The following RUNX1 variants were observed in gnomAD, a reference collection of about 807,000 sequenced individuals.
RUNX1 encodes the protein runt-related transcription factor 1.
A neutral mutation model predicts 42.8 loss-of-function variants in RUNX1; 19 were observed. The ratio of observed to expected loss-of-function variants is 0.44; its 90% CI spans 0.31 to 0.65. The LOEUF is 0.65. RUNX1 is among the 30% of genes least tolerant of loss of function. The pLI is 0.07. For synonymous variants in RUNX1, 271 were observed against 289.4 expected (o/e 0.94, Z 0.64); for missense variants, 528 against 672.0 (o/e 0.79, Z 2.37).
intron 2 of RUNX1, among the ~76,000 whole-genome samples, chr21:34,971,976 T>A (rs1043181045): frequency 3.9e-5 from 6 of 152,194 alleles, no homozygotes; most frequent in Non-Finnish European, 8.8e-5. Flanking sequence ...TTATAACTGA[T>A]CTCTTAGAGA....
At chr21:34,888,661 C>A in intron 3 of RUNX1, 1 of 1,047,568 alleles carries the variant, frequency 9.5e-7, no homozygotes, top group Non-Finnish European at 1.2e-6. Flanking sequence ...CCGCGGGGCG[C>A]CCGTCCCGCC....
intron 7 of RUNX1, among the ~76,000 whole-genome samples, chr21:34,831,518 G>T (rs1212906788): frequency 6.6e-6 from 1 of 152,126 alleles, no homozygotes; most frequent in Non-Finnish European, 1.5e-5. Context: ...AGCAAGGTAG[G>T]GTTCCTGAGC....
chr21:35,022,909 A>ATAATAATAATAATAATAATAT (rs1435171689), intron 2 of RUNX1, among the ~76,000 whole-genome samples: 2 of 150,180 alleles, frequency 1.3e-5, no homozygotes, highest in African/African-American at 4.9e-5. Context: ...AATAATAATA[A>ATAATAATAATAATAATAATAT]TAATAATAAT....
chr21:35,011,803 G>A (rs1308165150), intron 2 of RUNX1, among the ~76,000 whole-genome samples: 1 of 152,106 alleles, frequency 6.6e-6, no homozygotes, highest in Non-Finnish European at 1.5e-5. Flanking sequence ...ACCCCAACTA[G>A]CTTCTTTCCT....
chr21:34,936,787 G>A (rs984181541), intron 2 of RUNX1, among the ~76,000 whole-genome samples: 10 of 152,312 alleles, frequency 6.6e-5, no homozygotes, highest in Admixed American at 5.2e-4. Context: ...CGAAGCATTC[G>A]TCTCTGGTTT....
intron 2 of RUNX1, among the ~76,000 whole-genome samples, chr21:34,932,572 C>T (rs755498209): frequency 5.3e-5 from 8 of 152,114 alleles, no homozygotes; most frequent in African/African-American, 1.9e-4. Context: ...TTGAGGAGTC[C>T]ATTATGTGAT....
chr21:35,039,072 G>T (rs1568807246), intron 2 of RUNX1, among the ~76,000 whole-genome samples: 1 of 152,204 alleles, frequency 6.6e-6, no homozygotes, highest in East Asian at 1.9e-4. Context: ...ACAGCCTAAG[G>T]ACGTTCTTAA....
At chr21:35,006,063 T>G (rs1243725931) in intron 2 of RUNX1, among the ~76,000 whole-genome samples, 1 of 152,182 alleles carries the variant, frequency 6.6e-6, no homozygotes, top group East Asian at 1.9e-4. Context: ...TCATCCCAAT[T>G]TTAAGTCATT....
intron 2 of RUNX1, among the ~76,000 whole-genome samples, chr21:35,037,029 C>A (rs1358829688): frequency 6.6e-6 from 1 of 152,094 alleles, no homozygotes; most frequent in Non-Finnish European, 1.5e-5. Flanking sequence ...AGAGATATAC[C>A]TGGGACACAA....
intron 2 of RUNX1, among the ~76,000 whole-genome samples, chr21:35,011,124 G>C (rs2059123533): frequency 6.6e-6 from 1 of 152,110 alleles, no homozygotes; most frequent in African/African-American, 2.4e-5. Flanking sequence ...GCCATTAAAA[G>C]TGATGTGAAT....
intron 2 of RUNX1, among the ~76,000 whole-genome samples, chr21:34,943,631 T>C (rs1479301684): frequency 3.9e-5 from 6 of 152,168 alleles, no homozygotes; most frequent in Admixed American, 1.3e-4. Context: ...CCAGGTGATA[T>C]TCCTTCAGTT....
intron 5 of RUNX1, among the ~76,000 whole-genome samples, chr21:34,869,512 G>T (rs1422211032): frequency 2.0e-5 from 3 of 152,132 alleles, no homozygotes; most frequent in Admixed American, 6.5e-5. Flanking sequence ...CAATGGGTTC[G>T]GTGTAATCTA....
At chr21:34,847,017 A>G (rs2057326880) in intron 6 of RUNX1, among the ~76,000 whole-genome samples, 1 of 152,218 alleles carries the variant, frequency 6.6e-6, no homozygotes, top group Non-Finnish European at 1.5e-5. Context: ...TCAGGCGAGC[A>G]GCATATATAA....
chr21:34,823,344 G>A (rs958910680), intron 7 of RUNX1, among the ~76,000 whole-genome samples: 7 of 151,518 alleles, frequency 4.6e-5, no homozygotes, highest in Middle Eastern at 6.8e-3. Flanking sequence ...GTTGACTTAC[G>A]GAGGCTAAGA....
intron 2 of RUNX1, among the ~76,000 whole-genome samples, chr21:34,921,840 G>A (rs1024577784): frequency 2.6e-5 from 4 of 151,936 alleles, no homozygotes; most frequent in South Asian, 4.2e-4. Flanking sequence ...CACTATATTG[G>A]CCAGGCTGGT....
At chr21:34,826,356 C>T (rs1419498549) in intron 7 of RUNX1, among the ~76,000 whole-genome samples, 3 of 152,068 alleles carry the variant, frequency 2.0e-5, no homozygotes, top group African/African-American at 7.2e-5. Flanking sequence ...AAGGACCCCA[C>T]CAGATGCCAG....
intron 3 of RUNX1, chr21:34,889,816 C>T (rs890622261): frequency 1.9e-5 from 21 of 1,116,200 alleles, no homozygotes; most frequent in Non-Finnish European, 2.3e-5. Context: ...GGCTCCCTCC[C>T]AGCGGAGGCT....
At chr21:34,850,022 G>A (rs2146183897) in intron 6 of RUNX1, among the ~76,000 whole-genome samples, 1 of 146,700 alleles carries the variant, frequency 6.8e-6, no homozygotes, top group Middle Eastern at 3.4e-3. Flanking sequence ...ATGGCTTACA[G>A]GAAAAAACAA....
chr21:34,923,446 C>A (rs1031707611), intron 2 of RUNX1, among the ~76,000 whole-genome samples: 3 of 152,114 alleles, frequency 2.0e-5, no homozygotes, highest in Non-Finnish European at 4.4e-5. Context: ...TAAGTTGTGA[C>A]GTCATGAAAA....
Sources: gnomAD v4.1 joint callset for allele counts (sites outside exome capture counted in the v4.1 genomes callset) on GRCh38, gnomAD v4.1.1 for gene constraint, MANE v1.5 for transcripts, NCBI Gene and HGNC (gene_info 2026-07-23, HGNC 2026-07-21) for gene names.